The following GRK1 variants were observed in gnomAD, a reference collection of about 807,000 sequenced individuals.
GRK1 encodes the protein rhodopsin kinase GRK1.
In GRK1, 28 loss-of-function variants were observed where a neutral mutation model predicts 41.7. The observed-to-expected ratio is 0.67, with a 90% CI of 0.50 to 0.92. The LOEUF (loss-of-function observed/expected upper bound fraction) is 0.92. Ranked by LOEUF, GRK1 falls within the 40% of genes least tolerant of loss-of-function variation. The probability of loss-of-function intolerance (pLI) is 0.00; values close to 1 mark genes in which losing one functional copy is unlikely to be tolerated. For missense variants in GRK1, 703 were observed against 671.2 expected, an observed-to-expected ratio of 1.05 and a Z score of -0.52; for synonymous variants, 327 against 286.7, an observed-to-expected ratio of 1.14 and a Z score of -1.42.
In GRK1 at chr13:113,732,876, C is replaced by A. The variant is rs951682223; in HGVS notation, c.1195-8C>A. 6.5e-7 allele frequency: 1 copy of A among 1,536,096 alleles called. No homozygotes were observed. The highest frequency in any genetic ancestry group is 2.4e-5 in the East Asian group (1 of 40,912). ...CTGGCAGGGCTAAGGCTACGCGTGT[C>A]CCCACAGGTGGAGAACAAGGAGCTG... On this transcript the variant is annotated splice_polypyrimidine_tract_variant and splice_region_variant and intron_variant, in intron 5 of 6. Transcript: ENST00000335678.
the GRK1 span, chr13:113,654,687 G>A: frequency 7.0e-7 from 1 of 1,420,556 alleles, no homozygotes; most frequent in Non-Finnish European, 9.4e-7. Flanking sequence ...CTCACCCTGG[G>A]GCTGCCGGGC....
At chr13:113,650,390 G>GA in the GRK1 span, 1 of 1,610,536 alleles carries the variant, frequency 6.2e-7, no homozygotes, top group Non-Finnish European at 8.5e-7. The surrounding 1 kb of genome is among the most constrained non-coding windows in gnomAD (Gnocchi z 5.0). Context: ...GGGAAGCGTG[G>GA]AAGGAAGGAA....
chr13:113,667,514 C>T lies in GRK1; in HGVS notation c.128C>T (p.Pro43Leu), dbSNP rs760531390. The change falls in exon 1 of 7, where the codon CCG becomes CTG. Residue 43 changes from proline (P) to leucine (L), a missense_variant. Pro to Leu is a moderately conservative substitution (Grantham distance 98). Coordinates refer to ENST00000335678, the MANE Select transcript of GRK1 (RefSeq NM_002929.3). This position sits in a 1 kb window ranked among gnomAD's most constrained non-coding sequence, Gnocchi z 7.5. ...KKYLAKLKLPPLSKCESLRDS... is the reference protein window; with the variant it reads ...KKYLAKLKLPLLSKCESLRDS... ...TACCTGGCCAAGCTCAAGCTGCCCC[C>T]GCTGTCCAAGTGTGAGTCCCTCCGC... The T allele has an allele frequency of 6.8e-6, 11 of 1,613,104 alleles. No homozygotes were observed. The highest frequency in any genetic ancestry group is 6.7e-5 in the East Asian group (3 of 44,858).
rs768750029 is a variant in GRK1, at chr13:113,667,752, C to G, written c.366C>G (p.Phe122Leu). The change falls in exon 1 of 7, where the codon TTC becomes TTG. Residue 122 changes from phenylalanine (F) to leucine (L), a missense_variant. Physicochemically the swap from Phe to Leu is conservative, Grantham distance 22. Transcript: ENST00000335678. This position sits in a 1 kb window ranked among gnomAD's most constrained non-coding sequence, Gnocchi z 7.5. ...AQYLDPQAKL[F>L]CSFLDEGIVA... ...ACCTGGACCCCCAGGCCAAACTCTT[C>G]TGCAGCTTCCTGGATGAGGGGATAG... 1 of 1,613,676 alleles carries G rather than the reference C, an allele frequency of 6.2e-7. No homozygotes were observed. The highest frequency in any genetic ancestry group is 8.5e-7 in the Non-Finnish European group (1 of 1,179,640).
At position 113,735,637 on chromosome 13, in the gene GRK1, G is replaced by C. The variant is rs545228474; in HGVS notation, c.*274G>C. The C allele has an allele frequency of 1.1e-5, 4 of 357,106 alleles. No homozygotes were observed. The highest frequency in any genetic ancestry group is 6.2e-5 in the African/African-American group (3 of 48,120). The allele number at this position is 357,106 out of a possible 1,614,324, so 22.1% of individuals were successfully genotyped here. A position where few individuals can be genotyped will look rare whatever the true frequency, so the allele number is the denominator to read the frequency against. The stretch of plus-strand genomic sequence containing the variant: ...GAAGACATAAGATGCTCTCCAGAGG[G>C]AGTAAGCCAAAAATCTACAAACTCT... On this transcript the variant is annotated 3_prime_UTR_variant, in exon 7 of 7. Coordinates refer to ENST00000335678, the MANE Select transcript of GRK1 (RefSeq NM_002929.3).
chr13:113,669,754 C>A lies in GRK1; in HGVS notation c.767C>A (p.Ala256Glu), dbSNP rs775955001. The change falls in exon 2 of 7, where the codon GCG becomes GAG. Residue 256 changes from alanine to glutamate, a missense_variant. Transcript: ENST00000335678. ...AGGTTCATCGTGTCTCTGGCCTATG[C>A]GTTTGAAACCAAAGCCGACCTCTGT... ...HSRFIVSLAY[A>E]FETKADLCLV... 1.2e-6 allele frequency: 2 copies of A among 1,613,824 alleles called. No individual in the cohort carries two copies. The highest frequency in any genetic ancestry group is 1.7e-6 in the Non-Finnish European group (2 of 1,179,876).
chr13:113,650,344 T>C, the GRK1 span: 2 of 1,495,642 alleles, frequency 1.3e-6, no homozygotes, highest in African/African-American at 2.8e-5. The surrounding 1 kb of genome is among the most constrained non-coding windows in gnomAD (Gnocchi z 5.0). Flanking sequence ...TTGCTTTCCT[T>C]TCGCTAAGTG....
the GRK1 span, chr13:113,654,668 G>A: frequency 6.2e-6 from 8 of 1,288,052 alleles, no homozygotes; most frequent in Non-Finnish European, 8.3e-6. Context: ...CACCTGCTGG[G>A]GTGTGTGGCT....
At position 113,733,892 on chromosome 13, in the gene GRK1, T is replaced by TGC. The variant is rs2049973299; in HGVS notation, c.1396+808_1396+809insCG. 4.3e-5 allele frequency among the ~76,000 whole-genome samples: 5 copies of TGC among 116,270 alleles called. No homozygotes were observed. The South Asian group carries it at 1.2e-3, about 28-fold the overall frequency. The allele number at this position is 116,270 out of a possible 152,430, so 76.3% of individuals were successfully genotyped here. Reference sequence around the variant, plus strand: ...GTGCGTGTGTGCATACGTGTGTGCGTGTGTGTATGTGTGCATACAGTGTGC... The same window carrying TGC: ...GTGCGTGTGTGCATACGTGTGTGCGTGCGTGTGTATGTGTGCATACAGTGTGC... On this transcript the variant is annotated intron_variant, in intron 6 of 6. Transcript: ENST00000335678.
At chr13:113,729,209 T>G (rs1242363075) in intron 4 of GRK1, among the ~76,000 whole-genome samples, 1 of 152,162 alleles carries the variant, frequency 6.6e-6, no homozygotes, top group African/African-American at 2.4e-5. Flanking sequence ...TTTGTGAGTG[T>G]GAAAGCACTG....
rs763729314 is a variant in GRK1 at position 113,668,097 on chromosome 13, G to A, written c.699+12G>A. 3.6e-5 allele frequency: 58 copies of A among 1,591,388 alleles called. No homozygotes were observed. Among genetic ancestry groups the A allele is most frequent in the Non-Finnish European group, 4.8e-5 (56 of 1,169,956 alleles). ...GGAAGGGCTACCAGGTGAGCAGCGC[G>A]ACCCGGCCAGCAGGGATGGGGTGGC... On this transcript the variant is annotated intron_variant, in intron 1 of 6. Coordinates refer to ENST00000335678, the MANE Select transcript of GRK1 (RefSeq NM_002929.3).
In GRK1 at chr13:113,671,453, T is replaced by C. The variant is rs1285858159; in HGVS notation, c.828-46T>C. 1 of 774,342 alleles carries C rather than the reference T, an allele frequency of 1.3e-6. No individual in the cohort carries two copies. Among genetic ancestry groups the C allele is most frequent in the Non-Finnish European group, 2.4e-6 (1 of 417,406 alleles). 48.0% of individuals were successfully genotyped at this position (774,342 alleles called of 1,614,324 possible). A position where few individuals can be genotyped will look rare whatever the true frequency, so the allele number is the denominator to read the frequency against. ...CAGCTCTGTCTTTCCATGATTTTAC[T>C]CCCCATTAAACCCGGGGTGCATGGT... On this transcript the variant is annotated intron_variant, in intron 2 of 6. Coordinates refer to ENST00000335678, the MANE Select transcript of GRK1 (RefSeq NM_002929.3). This position sits in a 1 kb window ranked among gnomAD's most constrained non-coding sequence, Gnocchi z 4.1.
intron 4 of GRK1, among the ~76,000 whole-genome samples, chr13:113,724,073 TCTC>T (rs1321319667): frequency 6.6e-6 from 1 of 152,140 alleles, no homozygotes; most frequent in Non-Finnish European, 1.5e-5. Flanking sequence ...GTGTCACTCA[TCTC>T]CTCTCACCTC....
chr13:113,670,884 G>A (rs1427511040), intron 2 of GRK1, among the ~76,000 whole-genome samples: 5 of 151,292 alleles, frequency 3.3e-5, no homozygotes, highest in Admixed American at 1.3e-4. Flanking sequence ...TAGGAAGCGC[G>A]GTCACAGGGG....
rs1354595382 is a variant in GRK1, at chr13:113,733,814, CGTGTGTGCGT to C, written c.1396+738_1396+747del. Reference sequence around the variant, plus strand: ...GTGTGTATGTGTATCTGTGTGCATACGTGTGTGCGTGTGTGTGCACGTGCGTGTGCATGTG... The same window carrying C: ...GTGTGTATGTGTATCTGTGTGCATACGTGTGTGCACGTGCGTGTGCATGTG... On this transcript the variant is annotated intron_variant, in intron 6 of 6. Transcript: ENST00000335678. Among the ~76,000 whole-genome samples, 7 of 88,728 alleles carry C rather than the reference CGTGTGTGCGT, an allele frequency of 7.9e-5. No individual in the cohort carries two copies. The East Asian group carries it at 8.0e-4, about 10-fold the overall frequency. 58.2% of individuals were successfully genotyped at this position (88,728 alleles called of 152,430 possible).
chr13:113,733,641 A>ATG (rs537198020), intron 6 of GRK1, among the ~76,000 whole-genome samples: 14 of 108,476 alleles, frequency 1.3e-4, no homozygotes, highest in Admixed American at 3.6e-4. Context: ...GTGCTCATGT[A>ATG]TGTGTGCATA....
At chr13:113,662,634 CT>C (rs2049796767), upstream of GRK1, among the ~76,000 whole-genome samples, 1 of 152,300 alleles carries the variant, frequency 6.6e-6, no homozygotes, top group East Asian at 1.9e-4. Context: ...CAAAAATCCA[CT>C]GTACATCTAT....
In GRK1 at chr13:113,723,105, C is replaced by T. The variant is rs1033496521; in HGVS notation, c.1017C>T (p.Ala339=). ...TCCGGATCTCTGACCTTGGGCTGGCCGTGGAGCTGCTGGACGGACAGAGCA... is the reference window on the plus strand; with the variant it reads ...TCCGGATCTCTGACCTTGGGCTGGCTGTGGAGCTGCTGGACGGACAGAGCA... ...GNVRISDLGL[A]VELLDGQSKT... Residue 339 remains alanine, a synonymous_variant, in exon 4 of 7, where the codon GCC becomes GCT. Transcript: ENST00000335678. The T allele has an allele frequency of 2.9e-6, 2 of 701,460 alleles. No homozygotes were observed. Among genetic ancestry groups the T allele is most frequent in the Middle Eastern group, 2.3e-4 (1 of 4,366 alleles). The allele number at this position is 701,460 out of a possible 1,614,324, so 43.5% of individuals were successfully genotyped here.
chr13:113,659,410 C>G, the GRK1 span, among the ~76,000 whole-genome samples: 1 of 152,168 alleles, frequency 6.6e-6, no homozygotes, highest in Non-Finnish European at 1.5e-5. Flanking sequence ...TAGGCCGTCC[C>G]TCTCAGGGAC....
Sources: gnomAD v4.1 joint callset for allele counts (sites outside exome capture counted in the v4.1 genomes callset) on GRCh38, gnomAD v4.1.1 for gene constraint, Gnocchi (gnomAD v3.1) non-coding constraint, MANE v1.5 for transcripts, NCBI Gene and HGNC (gene_info 2026-07-23, HGNC 2026-07-21) for gene names.